The following SGSM2 variants were observed in gnomAD, a reference collection of about 807,000 sequenced individuals.
SGSM2 encodes RUN and TBC1 domain containing 1.
A neutral mutation model predicts 126.6 loss-of-function variants in SGSM2; 89 were observed. The observed-to-expected ratio is 0.70, with a 90% CI of 0.59 to 0.84. SGSM2 has a LOEUF of 0.84. Among genes scored for constraint, SGSM2 ranks in the 40% least tolerant of loss-of-function variants. SGSM2 has a pLI of 0.00. For synonymous variants in SGSM2, 614 were observed against 574.3 expected (o/e 1.07, Z -0.99); for missense variants, 1,404 against 1,416.6 (o/e 0.99, Z 0.14).
At chr17:2,340,899 A>G (rs1396344147) in intron 1 of SGSM2, among the ~76,000 whole-genome samples, 1 of 152,074 alleles carries the variant, frequency 6.6e-6, no homozygotes, top group Non-Finnish European at 1.5e-5. Context: ...TTTAATTTCT[A>G]CAGAAACATC....
At chr17:2,346,592 G>A (rs1475457870) in intron 2 of SGSM2, among the ~76,000 whole-genome samples, 1 of 152,050 alleles carries the variant, frequency 6.6e-6, no homozygotes, top group Admixed American at 6.6e-5. Flanking sequence ...TCCTAAACCT[G>A]TCTGTCCAGA....
chr17:2,348,804 C>T (rs1329730956), intron 2 of SGSM2, among the ~76,000 whole-genome samples: 1 of 152,054 alleles, frequency 6.6e-6, no homozygotes, highest in Admixed American at 6.6e-5. Flanking sequence ...CACTCTGTCT[C>T]CCCGCTGGAG....
At chr17:2,378,895 C>T (rs900234566) in intron 22 of SGSM2, 141 bp from the exon 23 acceptor site, 1 of 986,592 alleles carries the variant, frequency 1.0e-6, no homozygotes, top group Non-Finnish European at 1.5e-6. Context: ...TGTGAGCAGC[C>T]AGTCCGGCCA....
At chr17:2,338,774 A>AATATATATAT (rs148031213) in intron 1 of SGSM2, among the ~76,000 whole-genome samples, 9,777 of 133,716 alleles carry the variant, frequency 0.073, 1,012 homozygotes, top group African/African-American at 0.21. Flanking sequence ...CCGTCTCCCT[A>AATATATATAT]ATATATATAT....
In SGSM2 at chr17:2,363,757, CA is replaced by C; in HGVS notation, c.807+159del. ...CTCCCTGTTTCACACGACTCACGCC[CA>C]GCCTTTAGTTGGCAGGGGACAGGAA... On this transcript the variant is annotated intron_variant, in intron 7 of 23. Coordinates refer to ENST00000268989, the MANE Select transcript of SGSM2 (RefSeq NM_014853.3). The surrounding 1 kb of genome is among the most constrained non-coding windows in gnomAD (Gnocchi z 4.2). The C allele has an allele frequency of 2.6e-6, 3 of 1,163,312 alleles. No individual in the cohort carries two copies. The highest frequency in any genetic ancestry group is 2.4e-6 in the Non-Finnish European group (2 of 838,044). 72.1% of individuals were successfully genotyped at this position (1,163,312 alleles called of 1,614,324 possible). A position where few individuals can be genotyped will look rare whatever the true frequency, so the allele number is the denominator to read the frequency against.
In SGSM2 at chr17:2,337,650, G is replaced by C. The variant is rs1452063216; in HGVS notation, c.-39G>C. 2 of 1,385,372 alleles carry C rather than the reference G, an allele frequency of 1.4e-6. No homozygotes were observed. Among genetic ancestry groups the C allele is most frequent in the Non-Finnish European group, 9.5e-7 (1 of 1,050,558 alleles). The allele number at this position is 1,385,372 out of a possible 1,614,324, so 85.8% of individuals were successfully genotyped here. A position where few individuals can be genotyped will look rare whatever the true frequency, so the allele number is the denominator to read the frequency against. ...AGGCGCGGAGGCGGCGAGGGCGCGGGGGCTCTGAGGACCGCTCGGCGCCGC... is the reference window on the plus strand; with the variant it reads ...AGGCGCGGAGGCGGCGAGGGCGCGGCGGCTCTGAGGACCGCTCGGCGCCGC... On this transcript the variant is annotated 5_prime_UTR_variant, in exon 1 of 24. Coordinates refer to ENST00000268989, the MANE Select transcript of SGSM2 (RefSeq NM_014853.3). The surrounding 1 kb of genome is among the most constrained non-coding windows in gnomAD (Gnocchi z 5.1).
intron 10 of SGSM2, 33 bp from the exon 11 acceptor site, chr17:2,365,182 A>G: frequency 6.3e-7 from 1 of 1,598,922 alleles, no homozygotes; most frequent in Non-Finnish European, 8.5e-7. Flanking sequence ...ACTCTGCCCT[A>G]TACAGCCCGA....
Position 2,356,230 on chromosome 17 carries a change from TG to T in SGSM2, c.134-5402del, listed in dbSNP as rs1220370490. On this transcript the variant is annotated intron_variant, in intron 2 of 23. Transcript: ENST00000268989. ...AATGGTGGAATCGGGGTGTAAGAGT[TG>T]GGGGAAGGGACCCCATATCTTAGAA... Among the ~76,000 whole-genome samples the T allele has an allele frequency of 1.1e-3, 8 of 7,540 alleles. 3 individuals are homozygous for T. The highest frequency in any genetic ancestry group is 1.6e-3 in the Admixed American group (2 of 1,232). The allele number at this position is 7,540 out of a possible 152,430, so 4.9% of individuals were successfully genotyped here.
rs891248438 is a variant in SGSM2, at chr17:2,380,064, G to A, written c.*544G>A. On this transcript the variant is annotated 3_prime_UTR_variant, in exon 24 of 24. Transcript: ENST00000268989. ...CGGGAGACCCGGGCACGGGAGACCC[G>A]GGCCGCCTTCAGGCCGCTCCCCCGA... 8.5e-6 allele frequency: 12 copies of A among 1,404,512 alleles called. No individual in the cohort carries two copies. Among genetic ancestry groups the A allele is most frequent in the African/African-American group, 7.3e-5 (5 of 68,280 alleles). 87.0% of individuals were successfully genotyped at this position (1,404,512 alleles called of 1,614,324 possible).
rs1395622842 is a variant in SGSM2, at chr17:2,376,217, C to T, written c.2565C>T (p.Tyr855=). 9 of 1,613,980 alleles carry T rather than the reference C, an allele frequency of 5.6e-6. No homozygotes were observed. The highest frequency in any genetic ancestry group is 2.2e-5 in the South Asian group (2 of 91,086). The change falls in exon 19 of 24, where the codon TAC becomes TAT. Residue 855 remains tyrosine, a synonymous_variant. Coordinates refer to ENST00000268989, the MANE Select transcript of SGSM2 (RefSeq NM_014853.3). The part of the protein sequence containing the change: ...DVQRCDRNYW[Y]FTPPNLERLR... Reference sequence around the variant, plus strand: ...AGAGGTGTGACCGCAACTACTGGTACTTCACGCCCCCCAACCTCGAGAGGC... The same window carrying T: ...AGAGGTGTGACCGCAACTACTGGTATTTCACGCCCCCCAACCTCGAGAGGC...
chr17:2,343,652 C>T (rs762219499), intron 2 of SGSM2, 32 bp downstream of exon 2: 14 of 1,600,364 alleles, frequency 8.7e-6, no homozygotes, highest in Admixed American at 3.3e-5. Flanking sequence ...GATGGGAGGT[C>T]GGTCTAGAGC....
intron 2 of SGSM2, among the ~76,000 whole-genome samples, chr17:2,345,971 C>CG (rs1045744223): frequency 1.3e-5 from 2 of 152,064 alleles, no homozygotes; most frequent in African/African-American, 4.8e-5. Flanking sequence ...GAGACTCTTG[C>CG]GGGGGACGGG....
chr17:2,368,340 C>T (rs1235635519), intron 12 of SGSM2, among the ~76,000 whole-genome samples: 4 of 152,180 alleles, frequency 2.6e-5, no homozygotes, highest in Non-Finnish European at 5.9e-5. Context: ...GATGGGTGCT[C>T]CAGAAAGGGG....
In SGSM2 at chr17:2,340,958, G is replaced by A. The variant is rs76600918; in HGVS notation, c.58-2587G>A. The stretch of plus-strand genomic sequence containing the variant: ...AACAGGAATATTGGTAGACCAGGCT[G>A]GCCTTTCACAAAGGACCACTGGTAT... On this transcript the variant is annotated intron_variant, in intron 1 of 23. Transcript: ENST00000268989. 6.7e-3 allele frequency among the ~76,000 whole-genome samples: 1,019 copies of A among 152,292 alleles called. 11 individuals carry two copies. Among genetic ancestry groups the A allele is most frequent in the African/African-American group, 0.022 (933 of 41,556 alleles).
At chr17:2,349,310 A>T (rs1056253934) in intron 2 of SGSM2, among the ~76,000 whole-genome samples, 2 of 151,920 alleles carry the variant, frequency 1.3e-5, no homozygotes, top group African/African-American at 4.8e-5. Flanking sequence ...TGAGAGATGG[A>T]GGTTTCAGTG....
Position 2,365,254 on chromosome 17 carries a change from C to G in SGSM2, c.1201C>G (p.Arg401Gly), listed in dbSNP as rs267604773. 1 of 1,611,816 alleles carries G rather than the reference C, an allele frequency of 6.2e-7. No homozygotes were observed. The highest frequency in any genetic ancestry group is 8.5e-7 in the Non-Finnish European group (1 of 1,178,974). ...CAAGCTACGGAAACGAAGCAGCATT[C>G]GCTCCGTGGATATGGAGGAGATGGG... ...FPKLRKRSSIRSVDMEEMGTG... is the reference protein window; with the variant it reads ...FPKLRKRSSIGSVDMEEMGTG... The change falls in exon 11 of 24, where the codon CGC (arginine) becomes GGC (glycine). Residue 401 changes from arginine (R) to glycine (G), a missense_variant. Transcript: ENST00000268989.
Position 2,362,062 on chromosome 17 carries a change from T to A in SGSM2, c.297-47T>A. On this transcript the variant is annotated intron_variant, in intron 3 of 23. Coordinates refer to ENST00000268989, the MANE Select transcript of SGSM2 (RefSeq NM_014853.3). The surrounding 1 kb of genome is among the most constrained non-coding windows in gnomAD (Gnocchi z 4.9). Reference sequence around the variant, plus strand: ...CACTCCCAATGCCAGCATTCTGGGGTTTACCCCTAGACCACTGCACTCCTG... The same window carrying A: ...CACTCCCAATGCCAGCATTCTGGGGATTACCCCTAGACCACTGCACTCCTG... The A allele has an allele frequency of 6.4e-7, 1 of 1,570,618 alleles. No homozygotes were observed. The highest frequency in any genetic ancestry group is 8.6e-7 in the Non-Finnish European group (1 of 1,162,204).
In SGSM2 at chr17:2,372,833, C is replaced by G; in HGVS notation, c.1789-120C>G. 7.3e-7 allele frequency: 1 copy of G among 1,376,300 alleles called. No individual in the cohort carries two copies. Among genetic ancestry groups the G allele is most frequent in the Non-Finnish European group, 9.7e-7 (1 of 1,028,232 alleles). 85.3% of individuals were successfully genotyped at this position (1,376,300 alleles called of 1,614,324 possible). On this transcript the variant is annotated intron_variant, in intron 15 of 23. Transcript: ENST00000268989. This position sits in a 1 kb window ranked among gnomAD's most constrained non-coding sequence, Gnocchi z 6.0. ...CGTGGCCACCCCAAAGCAGGCCTTG[C>G]CTGGGCTTCAGCAGTCACTACAGGC...
At chr17:2,377,830 C>T in intron 21 of SGSM2, 27 bp from the exon 22 acceptor site, 1 of 1,490,392 alleles carries the variant, frequency 6.7e-7, no homozygotes, top group Non-Finnish European at 9.4e-7. Flanking sequence ...AGGGCTCAGC[C>T]TCTCTCCCTT....
Sources: allele counts gnomAD v4.1 joint callset (sites outside exome capture counted in the v4.1 genomes callset), GRCh38; gene constraint gnomAD v4.1.1; non-coding constraint Gnocchi (gnomAD v3.1); transcripts MANE v1.5; gene names NCBI Gene and HGNC (gene_info 2026-07-23, HGNC 2026-07-21).